The following DYNC1I1 variants were observed in gnomAD, a reference collection of about 807,000 sequenced individuals.
The protein encoded by DYNC1I1 is dynein cytoplasmic 1 intermediate chain 1, also known as cytoplasmic dynein 1 intermediate chain 1.
A neutral mutation model predicts 86.6 loss-of-function variants in DYNC1I1; 43 were observed. The ratio of observed to expected loss-of-function variants is 0.50; its 90% CI spans 0.39 to 0.64. DYNC1I1 has a LOEUF of 0.64. DYNC1I1 is among the 30% of genes least tolerant of loss of function. The pLI is 0.00. For synonymous variants in DYNC1I1, 262 were observed against 283.7 expected, an observed-to-expected ratio of 0.92 and a Z score of 0.77; for missense variants, 604 against 788.8, an observed-to-expected ratio of 0.77 and a Z score of 2.81.
chr7:96,029,928 A>G, intron 11 of DYNC1I1, among the ~76,000 whole-genome samples: 1 of 151,664 alleles, frequency 6.6e-6, no homozygotes, highest in Middle Eastern at 3.2e-3. Flanking sequence ...AAAAAGAAAG[A>G]AAAAGAAAGG....
At chr7:95,991,772 A>G (rs911743553) in intron 9 of DYNC1I1, among the ~76,000 whole-genome samples, 3 of 151,850 alleles carry the variant, frequency 2.0e-5, no homozygotes, top group Admixed American at 2.0e-4. Context: ...CTAATAACCT[A>G]CCCACTTGAC....
At chr7:96,108,478 C>T (rs1215276176) in intron 16 of DYNC1I1, among the ~76,000 whole-genome samples, 3 of 152,112 alleles carry the variant, frequency 2.0e-5, no homozygotes, top group African/African-American at 7.2e-5. Flanking sequence ...CCTTGCCTTC[C>T]ATTTTCTCTA....
intron 6 of DYNC1I1, among the ~76,000 whole-genome samples, chr7:95,882,210 T>G (rs1790471798): frequency 6.6e-6 from 1 of 152,128 alleles, no homozygotes. Context: ...ACAAAATGGT[T>G]GGAAAAAATG....
chr7:95,986,134 A>G (rs1018658367), intron 8 of DYNC1I1, among the ~76,000 whole-genome samples: 2 of 151,838 alleles, frequency 1.3e-5, no homozygotes, highest in Middle Eastern at 3.4e-3. Context: ...TAGGTTTACT[A>G]ATTAGAGCCC....
chr7:95,788,584 G>A (rs985358551), intron 1 of DYNC1I1, among the ~76,000 whole-genome samples: 1 of 152,196 alleles, frequency 6.6e-6, no homozygotes, highest in Admixed American at 6.5e-5. Context: ...TGGTCAGGGC[G>A]ATGTCAGTTG....
intron 6 of DYNC1I1, among the ~76,000 whole-genome samples, chr7:95,897,763 G>A (rs1790924872): frequency 6.9e-6 from 1 of 143,910 alleles, no homozygotes; most frequent in Non-Finnish European, 1.5e-5. Context: ...ATAATGATAT[G>A]CTTTCAGTAG....
chr7:95,968,490 G>A (rs1562958798), intron 6 of DYNC1I1, among the ~76,000 whole-genome samples: 1 of 152,086 alleles, frequency 6.6e-6, no homozygotes, highest in Non-Finnish European at 1.5e-5. Flanking sequence ...TTTTAAACTA[G>A]TTAACATAAC....
In DYNC1I1 at chr7:95,794,955, T is replaced by C. The variant is rs77690133; in HGVS notation, c.-9-9766T>C. ...GATTGAGATAGTTTTTCCTCCAAAA[T>C]AGTAGTTCTCTACAGCCACAAATAG... is the stretch of plus-strand genomic sequence containing the variant. On this transcript the variant is annotated intron_variant, in intron 1 of 16. Coordinates refer to ENST00000447467, the MANE Select transcript of DYNC1I1 (RefSeq NM_001135556.2). 4.7e-3 allele frequency among the ~76,000 whole-genome samples: 714 copies of C among 152,358 alleles called. 3 individuals are homozygous for C. Among genetic ancestry groups the C allele is most frequent in the African/African-American group, 0.016 (672 of 41,576 alleles).
At chr7:96,043,944 G>A (rs75823460) in intron 14 of DYNC1I1, among the ~76,000 whole-genome samples, 2 of 152,028 alleles carry the variant, frequency 1.3e-5, no homozygotes, top group African/African-American at 4.8e-5. Context: ...TCCTGACCTC[G>A]TGATCCACCC....
chr7:95,778,075 A>G (rs2115627783), intron 1 of DYNC1I1, among the ~76,000 whole-genome samples: 1 of 152,362 alleles, frequency 6.6e-6, no homozygotes, highest in Admixed American at 6.5e-5. Context: ...TATGTGAAGA[A>G]GCTCTTTTCA....
At chr7:95,827,983 T>C in intron 4 of DYNC1I1, 74 bp from the exon 5 acceptor site, 1 of 1,486,746 alleles carries the variant, frequency 6.7e-7, no homozygotes, top group Non-Finnish European at 9.4e-7. Flanking sequence ...ATGAATGACA[T>C]AGTTTGGTTT....
chr7:95,966,261 G>C (rs6961908), intron 6 of DYNC1I1, among the ~76,000 whole-genome samples: 110,885 of 152,174 alleles, frequency 0.73, 40,604 homozygotes, highest in East Asian at 0.87. Context: ...ATTATTAATT[G>C]TACCTCCATT....
At chr7:95,982,067 C>G (rs947593425) in intron 7 of DYNC1I1, among the ~76,000 whole-genome samples, 2 of 152,006 alleles carry the variant, frequency 1.3e-5, no homozygotes, top group Non-Finnish European at 2.9e-5. Flanking sequence ...GGTTGTGGTT[C>G]CTGGATACTC....
At chr7:95,795,084 C>T (rs537075310) in intron 1 of DYNC1I1, among the ~76,000 whole-genome samples, 1 of 152,302 alleles carries the variant, frequency 6.6e-6, no homozygotes, top group African/African-American at 2.4e-5. Context: ...CTTCTGGTGT[C>T]AGCTCTCTCA....
intron 1 of DYNC1I1, among the ~76,000 whole-genome samples, chr7:95,789,220 C>T (rs1467278760): frequency 6.6e-6 from 1 of 152,174 alleles, no homozygotes; most frequent in Non-Finnish European, 1.5e-5. Context: ...AGGGAATTTG[C>T]AGCCAAGCTT....
intron 6 of DYNC1I1, among the ~76,000 whole-genome samples, chr7:95,954,171 C>T (rs1397323637): frequency 1.3e-5 from 2 of 151,744 alleles, no homozygotes; most frequent in Non-Finnish European, 2.9e-5. Flanking sequence ...ATTCTCAAAA[C>T]AGGCAATTCC....
intron 6 of DYNC1I1, among the ~76,000 whole-genome samples, chr7:95,938,615 C>T (rs561065778): frequency 1.3e-5 from 2 of 152,088 alleles, no homozygotes; most frequent in East Asian, 3.9e-4. Flanking sequence ...ATTTTTTCTG[C>T]CCATTTTTCT....
chr7:95,908,156 A>G (rs550987404), intron 6 of DYNC1I1, among the ~76,000 whole-genome samples: 29 of 152,316 alleles, frequency 1.9e-4, no homozygotes, highest in Non-Finnish European at 1.6e-4. Context: ...ACGGGAGGAG[A>G]TGGAGACTAC....
intron 5 of DYNC1I1, among the ~76,000 whole-genome samples, chr7:95,843,892 A>T (rs1789357247): frequency 6.6e-6 from 1 of 152,240 alleles, no homozygotes; most frequent in Admixed American, 6.5e-5. Context: ...AAAAAGAGTA[A>T]GTTAAAGGAT....
Sources: allele counts gnomAD v4.1 joint callset (sites outside exome capture counted in the v4.1 genomes callset), GRCh38; gene constraint gnomAD v4.1.1; transcripts MANE v1.5; gene names NCBI Gene and HGNC (gene_info 2026-07-23, HGNC 2026-07-21).